Variants in NAV3 observed in about 807,000 individuals in gnomAD.
NAV3 encodes neuron navigator 3, also known as pore membrane and/or filament interacting like protein 1.
In NAV3, 87 loss-of-function variants were observed where a neutral mutation model predicts 244.7. The observed-to-expected ratio is 0.36, with a 90% confidence interval of 0.30 to 0.42. The LOEUF is 0.42. Ranked by LOEUF, NAV3 falls within the 20% of genes least tolerant of loss-of-function variation. The pLI is 1.00. For synonymous variants in NAV3, 1,126 were observed against 1,042.2 expected, an observed-to-expected ratio of 1.08 and a Z score of -1.55; for missense variants, 2,663 against 2,893.3, an observed-to-expected ratio of 0.92 and a Z score of 1.83.
intron 5 of NAV3, among the ~76,000 whole-genome samples, chr12:77,992,170 A>G (rs1052194081): frequency 6.6e-6 from 1 of 152,216 alleles, no homozygotes; most frequent in Non-Finnish European, 1.5e-5. Context: ...ATTTGAGAAT[A>G]ATATCAAGAC....
At chr12:78,074,894 T>C (rs1219892944) in intron 12 of NAV3, among the ~76,000 whole-genome samples, 2 of 152,202 alleles carry the variant, frequency 1.3e-5, no homozygotes, top group Non-Finnish European at 2.9e-5. Context: ...AACCCAACTC[T>C]TGAAATAGTA....
At chr12:77,756,933 G>T (rs1869211630) in intron 2 of NAV3, among the ~76,000 whole-genome samples, 1 of 152,092 alleles carries the variant, frequency 6.6e-6, no homozygotes, top group African/African-American at 2.4e-5. Flanking sequence ...CATAGCAAAA[G>T]ATTTTAGTTA....
At chr12:78,208,515 T>G (rs1960564751) in intron 39 of NAV3, among the ~76,000 whole-genome samples, 1 of 152,194 alleles carries the variant, frequency 6.6e-6, no homozygotes, top group Non-Finnish European at 1.5e-5. Context: ...CGATAATGAC[T>G]AAATCATACG....
intron 7 of NAV3, among the ~76,000 whole-genome samples, chr12:78,005,628 G>C (rs1874065153): frequency 6.6e-6 from 1 of 152,184 alleles, no homozygotes; most frequent in African/African-American, 2.4e-5. Flanking sequence ...TAGAATGTTT[G>C]ACATTCCAAG....
intron 1 of NAV3, among the ~76,000 whole-genome samples, chr12:77,854,064 C>A (rs999054553): frequency 5.9e-5 from 9 of 152,096 alleles, no homozygotes; most frequent in African/African-American, 1.9e-4. Context: ...ACCTTTTTGT[C>A]CTCTTCTTTG....
rs780201858 is a variant in NAV3 at position 78,006,755 on chromosome 12, G to A, written c.1217G>A (p.Gly406Glu). 1 of 1,614,176 alleles carries A rather than the reference G, an allele frequency of 6.2e-7. No homozygotes were observed. Among genetic ancestry groups the A allele is most frequent in the Non-Finnish European group, 8.5e-7 (1 of 1,180,038 alleles). Residue 406 changes from glycine to glutamate, a missense_variant, in exon 8 of 40, where the codon GGA (glycine) becomes GAA (glutamate). Coordinates refer to ENST00000397909, the MANE Select transcript of NAV3 (RefSeq NM_001024383.2). ...ALRPPQPPSS[G>E]PSDGGKDDDA... Reference sequence around the variant, plus strand: ...CGCCCCCCGCAGCCTCCCAGTTCAGGACCTAGTGATGGTGGGAAGGATGAT... The same window carrying A: ...CGCCCCCCGCAGCCTCCCAGTTCAGAACCTAGTGATGGTGGGAAGGATGAT...
chr12:78,001,643 T>C (rs896499334), intron 7 of NAV3, among the ~76,000 whole-genome samples: 14 of 152,300 alleles, frequency 9.2e-5, no homozygotes, highest in Admixed American at 8.5e-4. Context: ...AATATCATTT[T>C]AATAATGAAA....
chr12:77,981,034 A>G (rs771597418), intron 5 of NAV3, among the ~76,000 whole-genome samples: 19 of 152,166 alleles, frequency 1.2e-4, no homozygotes, highest in Non-Finnish European at 1.8e-4. Flanking sequence ...CTAAAAGGAT[A>G]AGTTATCACA....
intron 18 of NAV3, among the ~76,000 whole-genome samples, chr12:78,132,623 TTCATCCTCCATC>T (rs1420504077): frequency 6.6e-6 from 1 of 152,174 alleles, no homozygotes; most frequent in Non-Finnish European, 1.5e-5. Context: ...GGCAATGCAA[TTCATCCTCCATC>T]TCCTCCTTAT....
At chr12:78,018,876 G>A (rs1368791073) in intron 8 of NAV3, among the ~76,000 whole-genome samples, 1 of 152,142 alleles carries the variant, frequency 6.6e-6, no homozygotes, top group Non-Finnish European at 1.5e-5. Context: ...CAAGAGGTCA[G>A]CGAGGGGTAG....
chr12:77,605,382 G>A (rs987547925), intron 2 of NAV3, among the ~76,000 whole-genome samples: 3 of 151,936 alleles, frequency 2.0e-5, no homozygotes, highest in South Asian at 2.1e-4. Flanking sequence ...ATATGAGAAG[G>A]TTCAACCAAT....
chr12:78,042,236 C>T (rs1880986464), intron 9 of NAV3, among the ~76,000 whole-genome samples: 1 of 152,178 alleles, frequency 6.6e-6, no homozygotes. Context: ...TGACTATCAA[C>T]AAAATGGCTT....
chr12:77,746,212 G>A (rs1225894582), intron 2 of NAV3, among the ~76,000 whole-genome samples: 1 of 152,048 alleles, frequency 6.6e-6, no homozygotes, highest in Non-Finnish European at 1.5e-5. Flanking sequence ...GGGATAGATA[G>A]TAAATATATT....
chr12:78,119,143 A>G (rs943325326), intron 14 of NAV3, 94 bp from the exon 15 acceptor site: 1 of 1,184,120 alleles, frequency 8.4e-7, no homozygotes, highest in Non-Finnish European at 1.2e-6. Flanking sequence ...GGGAAATAAT[A>G]TAAAGAAGCA....
intron 1 of NAV3, among the ~76,000 whole-genome samples, chr12:77,859,451 A>T (rs1185244761): frequency 3.3e-5 from 5 of 151,982 alleles, no homozygotes; most frequent in African/African-American, 1.2e-4. Context: ...AGGTTTTATG[A>T]CAGTAATTTT....
intron 1 of NAV3, among the ~76,000 whole-genome samples, chr12:77,893,498 G>T (rs1204970615): frequency 1.3e-5 from 2 of 151,732 alleles, no homozygotes; most frequent in Non-Finnish European, 1.5e-5. Context: ...TATTGACATT[G>T]TCATGTCTGT....
At chr12:77,740,693 C>G (rs1868311530) in intron 2 of NAV3, among the ~76,000 whole-genome samples, 1 of 152,092 alleles carries the variant, frequency 6.6e-6, no homozygotes, top group Non-Finnish European at 1.5e-5. Context: ...CTTGGAGCCA[C>G]TTTCTAAGAG....
intron 1 of NAV3, among the ~76,000 whole-genome samples, chr12:77,913,006 C>T (rs143496976): frequency 0.014 from 2,113 of 151,728 alleles, 29 homozygotes; most frequent in Non-Finnish European, 0.023. Context: ...TTTCAGTGAC[C>T]CTTAATAATT....
chr12:78,125,284 A>C (rs951118672), intron 16 of NAV3, among the ~76,000 whole-genome samples: 2 of 152,238 alleles, frequency 1.3e-5, no homozygotes, highest in Non-Finnish European at 2.9e-5. Context: ...CTGTTTGTCT[A>C]CAATTTTAGA....
Sources: allele counts gnomAD v4.1 joint callset (sites outside exome capture counted in the v4.1 genomes callset), GRCh38; gene constraint gnomAD v4.1.1; transcripts MANE v1.5; gene names NCBI Gene and HGNC (gene_info 2026-07-23, HGNC 2026-07-21).